MRPS9: variants seen among roughly 807,000 people sequenced by gnomAD.
MRPS9 encodes the protein small ribosomal subunit protein uS9m.
In MRPS9, 45 loss-of-function variants were observed where a neutral mutation model predicts 59.9. That is an observed-to-expected ratio of 0.75 (90% CI 0.59 to 0.96). The LOEUF (loss-of-function observed/expected upper bound fraction) is 0.96. MRPS9 is among the 40% of genes least tolerant of loss of function. The pLI is 0.00. For missense variants in MRPS9, 473 were observed against 481.1 expected (o/e 0.98, Z 0.16); for synonymous variants, 171 against 166.8 (o/e 1.03, Z -0.19).
Position 105,092,529 on chromosome 2 carries a change from A to G in MRPS9, c.780A>G (p.Val260=). ...LESKKQLIEP[V]QYDEQGMAFS... ...CAAAAAAACAGCTGATTGAACCTGTACAGTATGATGAGCAAGGAATGGCCT... is the reference window on the plus strand; with the variant it reads ...CAAAAAAACAGCTGATTGAACCTGTGCAGTATGATGAGCAAGGAATGGCCT... The change falls in exon 8 of 11, where the codon GTA becomes GTG. Residue 260 remains valine, a synonymous_variant. Transcript: ENST00000258455. The G allele has an allele frequency of 6.2e-7, 1 of 1,611,962 alleles. No homozygotes were observed. Among genetic ancestry groups the G allele is most frequent in the Non-Finnish European group, 8.5e-7 (1 of 1,179,482 alleles).
chr2:105,061,109 CAAAAAAAAAAAA>C (rs751155585), intron 2 of MRPS9, among the ~76,000 whole-genome samples: 12 of 47,982 alleles, frequency 2.5e-4, no homozygotes, highest in Non-Finnish European at 4.2e-4. Flanking sequence ...GACTCTGTCT[CAAAAAAAAAAAA>C]AAAAAAAAAA....
Position 105,080,019 on chromosome 2 carries a change from A to C in MRPS9, c.446A>C (p.Tyr149Ser), listed in dbSNP as rs201445337. ...GGAGAAGATGGCCGTCCATTTCACT[A>C]TCTCTTCTATACTGGCAAACAGTCA... ...QWGEDGRPFH[Y>S]LFYTGKQSYY... The change falls in exon 5 of 11, where the codon TAT becomes TCT. Residue 149 changes from tyrosine (Y) to serine (S), a missense_variant. Physicochemically the swap from Tyr to Ser is moderately radical, Grantham distance 144. Coordinates refer to ENST00000258455, the MANE Select transcript of MRPS9 (RefSeq NM_182640.3). The C allele has an allele frequency of 1.2e-6, 2 of 1,611,838 alleles. No individual in the cohort carries two copies. The highest frequency in any genetic ancestry group is 1.1e-5 in the South Asian group (1 of 90,778).
chr2:105,071,598 A>T, intron 4 of MRPS9, 109 bp downstream of exon 4: 1 of 1,065,562 alleles, frequency 9.4e-7, no homozygotes, highest in South Asian at 1.6e-5. Context: ...CCTGTGTCAC[A>T]GTAGTTGTGA....
intron 10 of MRPS9, chr2:105,098,702 A>G (rs1460912606): frequency 3.3e-5 from 5 of 152,224 alleles, no homozygotes; most frequent in African/African-American, 1.2e-4. Context: ...TGTTATGGGT[A>G]TATCATAAAC....
At chr2:105,077,790 A>C (rs1207533157) in intron 4 of MRPS9, among the ~76,000 whole-genome samples, 1 of 152,172 alleles carries the variant, frequency 6.6e-6, no homozygotes, top group Non-Finnish European at 1.5e-5. Flanking sequence ...GAAAATTATG[A>C]TAACTCAGTT....
chr2:105,070,568 T>C (rs755799683), intron 2 of MRPS9, among the ~76,000 whole-genome samples: 3 of 152,158 alleles, frequency 2.0e-5, no homozygotes, highest in Non-Finnish European at 4.4e-5. Flanking sequence ...GTGTACATTT[T>C]GTTGTTGTGA....
In MRPS9 at chr2:105,095,817, CT is replaced by C. The variant is rs1052399032; in HGVS notation, c.930-1327del. Among the ~76,000 whole-genome samples, 401 of 146,318 alleles carry C rather than the reference CT, an allele frequency of 2.7e-3. 2 individuals carry two copies. Among genetic ancestry groups the C allele is most frequent in the Non-Finnish European group, 4.1e-3 (269 of 66,142 alleles). On this transcript the variant is annotated intron_variant, in intron 9 of 10. Transcript: ENST00000258455. ...CAGCCTAAATTTTCTTTTATATTTA[CT>C]TTTTTTTTTTAAGAGACAAGGTCTC...
chr2:105,094,947 C>G (rs1227937297), intron 9 of MRPS9, among the ~76,000 whole-genome samples: 1 of 152,160 alleles, frequency 6.6e-6, no homozygotes, highest in East Asian at 1.9e-4. Context: ...CAGCTTTTTA[C>G]TAAGGACATC....
chr2:105,061,796 T>C (rs1368716317), intron 2 of MRPS9, among the ~76,000 whole-genome samples: 2 of 152,158 alleles, frequency 1.3e-5, no homozygotes, highest in African/African-American at 4.8e-5. Context: ...GAGGACATTA[T>C]TCCTTCAGGT....
intron 2 of MRPS9, among the ~76,000 whole-genome samples, chr2:105,066,010 A>G (rs1485857138): frequency 6.6e-6 from 1 of 152,226 alleles, no homozygotes; most frequent in Non-Finnish European, 1.5e-5. Flanking sequence ...AAATGGAAGT[A>G]ATAGGTTAGG....
Position 105,090,971 on chromosome 2 carries a change from T to C in MRPS9, c.651+976T>C, listed in dbSNP as rs142536035. Among the ~76,000 whole-genome samples the C allele has an allele frequency of 5.3e-4, 81 of 152,318 alleles. No individual in the cohort carries two copies. The East Asian group carries it at 0.015, about 29-fold the overall frequency. On this transcript the variant is annotated intron_variant, in intron 7 of 10. Transcript: ENST00000258455. ...TGGTAGATCCAGAGTTAATTTCTAA[T>C]ATCCTAACTGCCAAGTACTGCTCTA...
intron 4 of MRPS9, among the ~76,000 whole-genome samples, chr2:105,073,758 G>A (rs535133082): frequency 1.3e-5 from 2 of 152,242 alleles, no homozygotes; most frequent in Non-Finnish European, 2.9e-5. Context: ...ATACTTCAAC[G>A]AAGCAAGAAT....
intron 7 of MRPS9, among the ~76,000 whole-genome samples, chr2:105,090,236 C>T (rs1293925731): frequency 6.6e-6 from 1 of 152,180 alleles, no homozygotes; most frequent in East Asian, 1.9e-4. Flanking sequence ...TCCAAGTCCT[C>T]CTCTTGTAAG....
At chr2:105,051,627 G>A (rs954729289) in intron 2 of MRPS9, among the ~76,000 whole-genome samples, 1 of 152,184 alleles carries the variant, frequency 6.6e-6, no homozygotes, top group African/African-American at 2.4e-5. Context: ...TAGATTTTGA[G>A]AGTATTCCCA....
At position 105,038,149 on chromosome 2, in the gene MRPS9, G is replaced by C; in HGVS notation, c.57G>C (p.Trp19Cys). The change falls in exon 1 of 11, where the codon TGG becomes TGC. Residue 19 changes from tryptophan (W) to cysteine (C), a missense_variant. Trp to Cys is a radical substitution (Grantham distance 215, BLOSUM62 -2). Transcript: ENST00000258455. ...GGAVSYRLLL[W>C]GRGSLARKQG... ...CAGTTTCGTACCGGCTTCTTCTCTG[G>C]GGTAGGGGTAGCCTCGCCCGGAAGC... The C allele has an allele frequency of 1.2e-6, 2 of 1,613,796 alleles. No homozygotes were observed. Among genetic ancestry groups the C allele is most frequent in the Non-Finnish European group, 1.7e-6 (2 of 1,179,926 alleles).
chr2:105,098,537 T>A (rs1331686923), intron 10 of MRPS9: 1 of 152,230 alleles, frequency 6.6e-6, no homozygotes, highest in Non-Finnish European at 1.5e-5. Flanking sequence ...TTTGCTAGAA[T>A]CTTAACAATT....
chr2:105,051,218 T>C (rs768343409), intron 2 of MRPS9, among the ~76,000 whole-genome samples: 15 of 152,198 alleles, frequency 9.9e-5, no homozygotes, highest in Non-Finnish European at 1.8e-4. Flanking sequence ...ACGTAATTTT[T>C]GTGTGTGATG....
At chr2:105,050,476 T>C (rs971653712) in intron 2 of MRPS9, among the ~76,000 whole-genome samples, 1 of 152,188 alleles carries the variant, frequency 6.6e-6, no homozygotes, top group Non-Finnish European at 1.5e-5. Flanking sequence ...TGTTAGGTGA[T>C]TTGTAATTAG....
chr2:105,068,589 A>G (rs1301290613), intron 2 of MRPS9, among the ~76,000 whole-genome samples: 1 of 152,116 alleles, frequency 6.6e-6, no homozygotes, highest in Non-Finnish European at 1.5e-5. Flanking sequence ...CCTTATCCCT[A>G]TGCCCCTCCC....
Sources: gnomAD v4.1 joint callset for allele counts (sites outside exome capture counted in the v4.1 genomes callset) on GRCh38, gnomAD v4.1.1 for gene constraint, MANE v1.5 for transcripts, NCBI Gene and HGNC (gene_info 2026-07-23, HGNC 2026-07-21) for gene names.